The following LUZP4 variants were observed in gnomAD, a reference collection of about 807,000 sequenced individuals.
LUZP4 encodes HOM-TES-85 tumor antigen.
Under a neutral mutation model 8.5 loss-of-function variants are expected in LUZP4, and 11 were observed. That is an observed-to-expected ratio of 1.30 (90% CI 0.82 to 2.14). LUZP4 has a LOEUF of 2.14. Among genes scored for constraint, LUZP4 ranks in the 30% most tolerant of loss-of-function variants. The pLI is 0.00. For missense variants in LUZP4, 276 were observed against 229.7 expected (o/e 1.20, Z -1.30); for synonymous variants, 104 against 79.4 (o/e 1.31, Z -1.65).
intron 1 of LUZP4, 53 bp from the exon 2 acceptor site, chrX:115,301,939 A>G: frequency 7.0e-6 from 6 of 860,251 alleles, no homozygotes; most frequent in Non-Finnish European, 9.6e-6. Context: ...TTCACTCGAG[A>G]CATTATTTGG....
At chrX:115,300,366 A>G (rs2073391112) in intron 1 of LUZP4, among the ~76,000 whole-genome samples, 1 of 112,576 alleles carries the variant, frequency 8.9e-6, no homozygotes, top group African/African-American at 3.2e-5. Flanking sequence ...CATAAAATAC[A>G]CTAACATTAA....
chrX:115,294,490 C>T (rs1489961035), intron 1 of LUZP4, among the ~76,000 whole-genome samples: 2 of 111,482 alleles, frequency 1.8e-5, no homozygotes, highest in African/African-American at 6.5e-5. Flanking sequence ...ATATGTGCCC[C>T]GGAAAGTGGG....
At chrX:115,295,325 C>T (rs782511491) in intron 1 of LUZP4, among the ~76,000 whole-genome samples, 6 of 112,040 alleles carry the variant, frequency 5.4e-5, no homozygotes, top group Admixed American at 9.5e-5. Context: ...GCGATCTTCT[C>T]GCCTTGGCCT....
intron 1 of LUZP4, among the ~76,000 whole-genome samples, chrX:115,296,480 T>G (rs2073371291): frequency 9.0e-6 from 1 of 111,623 alleles, no homozygotes. Flanking sequence ...AAGCCCCGTG[T>G]CTCTGTAATG....
At chrX:115,296,854 C>T (rs140848318) in intron 1 of LUZP4, among the ~76,000 whole-genome samples, 2,620 of 111,756 alleles carry the variant, frequency 0.023, 34 homozygotes, top group Middle Eastern at 0.046. Context: ...TTATGCTGGG[C>T]GTGGTAGTTC....
intron 1 of LUZP4, among the ~76,000 whole-genome samples, chrX:115,301,138 C>G (rs73579218): frequency 0.017 from 1,844 of 111,094 alleles, 35 homozygotes; most frequent in African/African-American, 0.057. Context: ...TTAGAATCTC[C>G]AGTTTTTTCC....
At position 115,307,538 on chromosome X, in the gene LUZP4, A is replaced by T. The variant is rs79339597; in HGVS notation, c.*734A>T. ...TAACTGCAGTTTGTTTGGTTATTCA[A>T]TAAAAGTTTTAGTTTTAATTTCTCA... On this transcript the variant is annotated 3_prime_UTR_variant, in exon 4 of 4. Coordinates refer to ENST00000371920, the MANE Select transcript of LUZP4 (RefSeq NM_016383.5). 1.2e-4 allele frequency: 14 copies of T among 112,503 alleles called. No homozygotes were observed. The highest frequency in any genetic ancestry group is 1.9e-5 in the Non-Finnish European group (1 of 53,354). 9.3% of individuals were successfully genotyped at this position (112,503 alleles called of 1,213,427 possible).
chrX:115,291,184 C>T (rs2073347660), intron 1 of LUZP4, among the ~76,000 whole-genome samples: 1 of 111,015 alleles, frequency 9.0e-6, no homozygotes, highest in African/African-American at 3.3e-5. Context: ...TGGCCTCAAG[C>T]TCTCAGGCTC....
rs995171464 is a variant in LUZP4 at position 115,302,439 on chromosome X, A to G, written c.223+316A>G. Among the ~76,000 whole-genome samples, 119 of 112,291 alleles carry G rather than the reference A, an allele frequency of 1.1e-3. 1 individual carries two copies. The highest frequency in any genetic ancestry group is 3.6e-3 in the African/African-American group (110 of 30,973). ...TGGTCCAGTTCCACTTTTAGGAGGC[A>G]ATACAGGAGGGTTAAGAGCATAGTC... is the stretch of plus-strand genomic sequence containing the variant. On this transcript the variant is annotated intron_variant, in intron 2 of 3. Transcript: ENST00000371920.
rs367886713 is a variant in LUZP4, at chrX:115,294,607, G to A, written c.91+4757G>A. Among the ~76,000 whole-genome samples the A allele has an allele frequency of 2.6e-3, 289 of 111,935 alleles. 1 individual carries two copies. Among genetic ancestry groups the A allele is most frequent in the African/African-American group, 8.2e-3 (252 of 30,853 alleles). ...TCATAGATACAGTAGACATGAAAGA[G>A]ATTAAAAACCATCTAGGTGAAAGAT... On this transcript the variant is annotated intron_variant, in intron 1 of 3. Transcript: ENST00000371920.
chrX:115,300,923 T>A (rs139805326), intron 1 of LUZP4, among the ~76,000 whole-genome samples: 1,896 of 111,086 alleles, frequency 0.017, 28 homozygotes, highest in African/African-American at 0.059. Flanking sequence ...TGAAGGTGTT[T>A]TTTTCTGTGT....
chrX:115,291,727 G>A (rs909486271), intron 1 of LUZP4, among the ~76,000 whole-genome samples: 31 of 110,306 alleles, frequency 2.8e-4, no homozygotes, highest in Non-Finnish European at 5.3e-4. Context: ...TTCGAGACCA[G>A]CCTGGCCAAC....
intron 1 of LUZP4, among the ~76,000 whole-genome samples, chrX:115,300,521 T>A (rs1344079564): frequency 5.3e-5 from 6 of 112,510 alleles, no homozygotes; most frequent in African/African-American, 1.9e-4. Context: ...TGGCCTAGAC[T>A]ACCTTTCAGG....
At chrX:115,293,885 A>T (rs946052631) in intron 1 of LUZP4, among the ~76,000 whole-genome samples, 3 of 108,910 alleles carry the variant, frequency 2.8e-5, no homozygotes, top group Non-Finnish European at 5.7e-5. Context: ...CGGGAGGCCG[A>T]GGTTGCAGTG....
rs2147409049 is a variant in LUZP4 at position 115,307,562 on chromosome X, C to G, written c.*758C>G. 8.9e-6 allele frequency: 1 copy of G among 112,180 alleles called. No homozygotes were observed. Among genetic ancestry groups the G allele is most frequent in the East Asian group, 2.8e-4 (1 of 3,570 alleles). The allele number at this position is 112,180 out of a possible 1,213,427, so 9.2% of individuals were successfully genotyped here. ...AATAAAAGTTTTAGTTTTAATTTCTCAGTGATTGCCTTGTTTGTATTGACT... is the reference window on the plus strand; with the variant it reads ...AATAAAAGTTTTAGTTTTAATTTCTGAGTGATTGCCTTGTTTGTATTGACT... On this transcript the variant is annotated 3_prime_UTR_variant, in exon 4 of 4. Transcript: ENST00000371920.
In LUZP4 at chrX:115,307,198, T is replaced by C. The variant is rs41304490; in HGVS notation, c.*394T>C. 27,963 of 161,340 alleles carry C rather than the reference T, an allele frequency of 0.17. 2,330 individuals carry two copies. The highest frequency in any genetic ancestry group is 0.24 in the Non-Finnish European group (20,070 of 83,701). The allele number at this position is 161,340 out of a possible 1,213,427, so 13.3% of individuals were successfully genotyped here. On this transcript the variant is annotated 3_prime_UTR_variant, in exon 4 of 4. Coordinates refer to ENST00000371920, the MANE Select transcript of LUZP4 (RefSeq NM_016383.5). ...GCTAATCTAACAACTAACTGCCAAATTGATAATATATAATCTATGATAATG... is the reference window on the plus strand; with the variant it reads ...GCTAATCTAACAACTAACTGCCAAACTGATAATATATAATCTATGATAATG...
intron 1 of LUZP4, 56 bp from the exon 2 acceptor site, chrX:115,301,936 G>A (rs1207466419): frequency 8.4e-6 from 7 of 831,992 alleles, no homozygotes; most frequent in African/African-American, 2.1e-5. Context: ...TTATTCACTC[G>A]AGACATTATT....
At chrX:115,294,330 C>T (rs1357974909) in intron 1 of LUZP4, among the ~76,000 whole-genome samples, 1 of 112,093 alleles carries the variant, frequency 8.9e-6, no homozygotes, top group Non-Finnish European at 1.9e-5. Context: ...GTTGTGTGAC[C>T]TTGTGCAAGT....
At chrX:115,293,498 C>T (rs369351031) in intron 1 of LUZP4, among the ~76,000 whole-genome samples, 12 of 110,310 alleles carry the variant, frequency 1.1e-4, no homozygotes, top group African/African-American at 3.0e-4. Flanking sequence ...AGACTGGTCT[C>T]GACTTCTGGG....
Sources: gnomAD v4.1 joint callset for allele counts (sites outside exome capture counted in the v4.1 genomes callset) on GRCh38, gnomAD v4.1.1 for gene constraint, MANE v1.5 for transcripts, NCBI Gene and HGNC (gene_info 2026-07-23, HGNC 2026-07-21) for gene names.